CDHR2: variants seen among roughly 807,000 people sequenced by gnomAD.
CDHR2 encodes the protein cadherin-related family member 2.
Under a neutral mutation model 138.6 loss-of-function variants are expected in CDHR2, and 104 were observed. That is an observed-to-expected ratio of 0.75 (90% CI 0.64 to 0.88). The LOEUF (loss-of-function observed/expected upper bound fraction) is 0.88, where lower values mean the gene tolerates loss of function less well. Among genes scored for constraint, CDHR2 ranks in the 40% least tolerant of loss-of-function variants. The pLI, the probability that CDHR2 is intolerant of heterozygous loss-of-function variation, is 0.00. For synonymous variants in CDHR2, 755 were observed against 742.8 expected (o/e 1.02, Z -0.27); for missense variants, 1,624 against 1,727.6 (o/e 0.94, Z 1.06).
Position 176,553,087 on chromosome 5 carries a change from C to T in CDHR2, c.-16+3673C>T, listed in dbSNP as rs372994965. On this transcript the variant is annotated intron_variant, in intron 1 of 31. Transcript: ENST00000261944. This position sits in a 1 kb window ranked among gnomAD's most constrained non-coding sequence, Gnocchi z 4.3. The stretch of plus-strand genomic sequence containing the variant: ...GGGAGACACTTCCATGAGGGAGAAG[C>T]GTGGCGTGTATGGGGAAGGGGCTGT... Among the ~76,000 whole-genome samples the T allele has an allele frequency of 1.3e-5, 2 of 152,018 alleles. No individual in the cohort carries two copies. The highest frequency in any genetic ancestry group is 2.1e-4 in the South Asian group (1 of 4,814).
intron 1 of CDHR2, among the ~76,000 whole-genome samples, chr5:176,554,761 C>T (rs1432981889): frequency 6.6e-6 from 1 of 152,180 alleles, no homozygotes; most frequent in African/African-American, 2.4e-5. Context: ...CCCGGGTTCA[C>T]ACCATTCTCT....
chr5:176,580,696 G>A (rs1336032739), intron 16 of CDHR2, among the ~76,000 whole-genome samples: 1 of 151,754 alleles, frequency 6.6e-6, no homozygotes, highest in Non-Finnish European at 1.5e-5. Context: ...CCAACATGGT[G>A]AAACCCCATC....
chr5:176,591,023 C>T (rs1758829595), intron 28 of CDHR2, among the ~76,000 whole-genome samples, 187 bp from the exon 29 acceptor site: 1 of 152,244 alleles, frequency 6.6e-6, no homozygotes, highest in South Asian at 2.1e-4. Context: ...GGCTTGACTT[C>T]AAGCCTTGTC....
chr5:176,586,020 C>G lies in CDHR2; in HGVS notation c.2801C>G (p.Thr934Ser). ...NAPYFLPENK[T>S]FVIIPELVLP... Reference sequence around the variant, plus strand: ...CCCTATTTTCTGCCTGAGAATAAGACTTTTGGTAAGCAGCAACCCCATTCA... The same window carrying G: ...CCCTATTTTCTGCCTGAGAATAAGAGTTTTGGTAAGCAGCAACCCCATTCA... Residue 934 changes from threonine to serine, a missense_variant, in exon 20 of 32, where the codon ACT becomes AGT. Coordinates refer to ENST00000261944, the MANE Select transcript of CDHR2 (RefSeq NM_017675.6). The G allele has an allele frequency of 6.2e-7, 1 of 1,613,708 alleles. No homozygotes were observed. Among genetic ancestry groups the G allele is most frequent in the Non-Finnish European group, 8.5e-7 (1 of 1,179,646 alleles).
At chr5:176,554,901 G>T (rs916314099) in intron 1 of CDHR2, among the ~76,000 whole-genome samples, 3 of 152,106 alleles carry the variant, frequency 2.0e-5, no homozygotes, top group African/African-American at 7.2e-5. Flanking sequence ...TGATCTGCCC[G>T]CCTTGGCCTC....
chr5:176,568,570 C>T, intron 3 of CDHR2, 108 bp from the exon 4 acceptor site: 1 of 1,267,196 alleles, frequency 7.9e-7, no homozygotes, highest in Non-Finnish European at 1.1e-6. Context: ...GCAAGTCAAG[C>T]CTGTGTACAG....
intron 21 of CDHR2, among the ~76,000 whole-genome samples, chr5:176,587,404 C>T (rs981560931): frequency 1.3e-5 from 2 of 151,928 alleles, no homozygotes; most frequent in African/African-American, 2.4e-5. Context: ...GTCGAGATCA[C>T]GCCATTGCAC....
intron 21 of CDHR2, among the ~76,000 whole-genome samples, chr5:176,588,591 GT>G (rs1459464376): frequency 3.6e-5 from 5 of 137,092 alleles, no homozygotes; most frequent in Admixed American, 7.1e-5. Context: ...GTGAGGGTGT[GT>G]ATGAGTGTGT....
chr5:176,586,841 G>A lies in CDHR2; in HGVS notation c.2855G>A (p.Arg952Gln), dbSNP rs369491133. 2.7e-5 allele frequency: 43 copies of A among 1,608,702 alleles called. No individual in the cohort carries two copies. The highest frequency in any genetic ancestry group is 1.7e-4 in the Middle Eastern group (1 of 6,056). ...CCCAACCGGGAGGTGGCTTCTGTCCGGGTAAGTTCTTGGCTCCAGCCTTTG... is the reference window on the plus strand; with the variant it reads ...CCCAACCGGGAGGTGGCTTCTGTCCAGGTAAGTTCTTGGCTCCAGCCTTTG... ...VLPNREVASV[R>Q]ARDDDSGNNG... The change falls in exon 21 of 32, where the codon CGG becomes CAG. Residue 952 changes from arginine to glutamine, a missense_variant and splice_region_variant. Transcript: ENST00000261944.
rs1453136105 is a variant in CDHR2, at chr5:176,584,614, T to C, written c.2333T>C (p.Val778Ala). Residue 778 changes from valine to alanine, a missense_variant, in exon 19 of 32, where the codon GTG becomes GCG. Physicochemically the swap from Val to Ala is moderately conservative, Grantham distance 64. This residue lies in a region of CDHR2 where 1,061 missense variants were observed against 1,136.6 expected (regional missense o/e 0.93). Coordinates refer to ENST00000261944, the MANE Select transcript of CDHR2 (RefSeq NM_017675.6). ...ACACAGCCCGTCTTCAACTTGACAG[T>C]GAGTGCTGAGAACCCAGACCCCCAG... Reference protein sequence around the residue: ...YETQPVFNLTVSAENPDPQGG... With the variant: ...YETQPVFNLTASAENPDPQGG... 1.2e-6 allele frequency: 2 copies of C among 1,607,330 alleles called. No homozygotes were observed. Among genetic ancestry groups the C allele is most frequent in the Non-Finnish European group, 1.7e-6 (2 of 1,175,052 alleles).
At chr5:176,578,294 T>G in intron 15 of CDHR2, 71 bp from the exon 16 acceptor site, 1 of 1,440,496 alleles carries the variant, frequency 6.9e-7, no homozygotes, top group Non-Finnish European at 9.6e-7. Context: ...TATTTGTTGT[T>G]GTATATCTGA....
chr5:176,548,300 A>C (rs1370258099), upstream of CDHR2, among the ~76,000 whole-genome samples: 1 of 152,234 alleles, frequency 6.6e-6, no homozygotes. Flanking sequence ...AGGGCCACCC[A>C]ATGGTGACGA....
At position 176,569,368 on chromosome 5, in the gene CDHR2, C is replaced by G. The variant is rs554874934; in HGVS notation, c.315+358C>G. Among the ~76,000 whole-genome samples the G allele has an allele frequency of 2.1e-3, 319 of 151,028 alleles. 1 individual carries two copies. Among genetic ancestry groups the G allele is most frequent in the Non-Finnish European group, 3.8e-3 (256 of 67,854 alleles). ...GCGCGATCTCGGCTCACTGCAAGCT[C>G]CGCCTCCTGGGTTGACGCCATTCTC... On this transcript the variant is annotated intron_variant, in intron 5 of 31. Transcript: ENST00000261944.
intron 1 of CDHR2, among the ~76,000 whole-genome samples, chr5:176,557,689 T>TCCTTCCTTCCTTCCTTCCTTCCTTCCTTC (rs1561866741): frequency 1.2e-4 from 4 of 32,824 alleles, no homozygotes; most frequent in African/African-American, 1.8e-4. Context: ...GATTTTTTTT[T>TCCTTCCTTCCTTCCTTCCTTCCTTCCTTC]CTTTCTTTCT....
In CDHR2 at chr5:176,584,622, G is replaced by C; in HGVS notation, c.2341G>C (p.Glu781Gln). The C allele has an allele frequency of 6.2e-7, 1 of 1,608,456 alleles. No homozygotes were observed. The highest frequency in any genetic ancestry group is 8.5e-7 in the Non-Finnish European group (1 of 1,175,784). Reference protein sequence around the residue: ...QPVFNLTVSAENPDPQGGETI... With the variant: ...QPVFNLTVSAQNPDPQGGETI... ...CGTCTTCAACTTGACAGTGAGTGCTGAGAACCCAGACCCCCAGGGGGGTGA... is the reference window on the plus strand; with the variant it reads ...CGTCTTCAACTTGACAGTGAGTGCTCAGAACCCAGACCCCCAGGGGGGTGA... Residue 781 changes from glutamate (E) to glutamine (Q), a missense_variant, in exon 19 of 32, where the codon GAG becomes CAG. Coordinates refer to ENST00000261944, the MANE Select transcript of CDHR2 (RefSeq NM_017675.6).
chr5:176,564,358 T>A (rs1278879752), intron 1 of CDHR2, among the ~76,000 whole-genome samples: 1 of 152,174 alleles, frequency 6.6e-6, no homozygotes, highest in Non-Finnish European at 1.5e-5. Context: ...GCTAACGTTT[T>A]TTGTATTTTG....
rs779636886 is a variant in CDHR2 at position 176,576,133 on chromosome 5, C to T, written c.1142C>T (p.Ser381Phe). The change falls in exon 12 of 32, where the codon TCC becomes TTC. Residue 381 changes from serine to phenylalanine, a missense_variant. Physicochemically the swap from Ser to Phe is radical, Grantham distance 155. This residue lies in a region of CDHR2 where 1,061 missense variants were observed against 1,136.6 expected (regional missense o/e 0.93). Transcript: ENST00000261944. The surrounding 1 kb of genome is among the most constrained non-coding windows in gnomAD (Gnocchi z 4.5). ...ACTGGCTACGTGGACGAGCATGCCT[C>T]CCCCCGCATCCCCATCGATGACCTC... Reference protein sequence around the residue: ...NFTGYVDEHASPRIPIDDLTM... With the variant: ...NFTGYVDEHAFPRIPIDDLTM... 2.5e-6 allele frequency: 4 copies of T among 1,613,906 alleles called. No homozygotes were observed. The highest frequency in any genetic ancestry group is 2.2e-5 in the East Asian group (1 of 44,882).
Position 176,595,739 on chromosome 5 carries a change from T to C in CDHR2, c.*67T>C, listed in dbSNP as rs1759016680. 2.2e-6 allele frequency: 3 copies of C among 1,394,640 alleles called. No individual in the cohort carries two copies. The South Asian group carries it at 4.9e-5, about 23-fold the overall frequency. The allele number at this position is 1,394,640 out of a possible 1,614,324, so 86.4% of individuals were successfully genotyped here. On this transcript the variant is annotated 3_prime_UTR_variant, in exon 32 of 32. Coordinates refer to ENST00000261944, the MANE Select transcript of CDHR2 (RefSeq NM_017675.6). ...CACACCCTAACTGCACCTGTCTCCC[T>C]GGAGATGAAAATATATGACGCTGCC...
At chr5:176,588,413 G>A (rs1301497362) in intron 21 of CDHR2, among the ~76,000 whole-genome samples, 1 of 103,778 alleles carries the variant, frequency 9.6e-6, no homozygotes, top group Non-Finnish European at 2.4e-5. Context: ...GAGAGAGTGA[G>A]GGTGTGAGTG....
Sources: allele counts gnomAD v4.1 joint callset (sites outside exome capture counted in the v4.1 genomes callset), GRCh38; gene constraint gnomAD v4.1.1; regional missense constraint gnomAD v4.1.1; non-coding constraint Gnocchi (gnomAD v3.1); transcripts MANE v1.5; gene names NCBI Gene and HGNC (gene_info 2026-07-23, HGNC 2026-07-21).